CSMD1: variants seen among roughly 807,000 people sequenced by gnomAD.
CSMD1 encodes CUB and sushi domain-containing protein 1.
In CSMD1, 213 loss-of-function variants were observed where a neutral mutation model predicts 417.5. That is an observed-to-expected ratio of 0.51 (90% CI 0.46 to 0.57). CSMD1 has a LOEUF of 0.57. Among genes scored for constraint, CSMD1 ranks in the 20% least tolerant of loss-of-function variants. The pLI is 0.00. For missense variants in CSMD1, 6,923 were observed against 4,529.7 expected (o/e 1.53, Z -15.17); for synonymous variants, 2,862 against 1,736.8 (o/e 1.65, Z -16.11).
intron 3 of CSMD1, among the ~76,000 whole-genome samples, chr8:4,375,007 G>C (rs1202828283): frequency 6.7e-6 from 1 of 150,090 alleles, no homozygotes; most frequent in Admixed American, 6.6e-5. Context: ...AGCAATAGTG[G>C]GGACAGGGCA....
intron 2 of CSMD1, among the ~76,000 whole-genome samples, chr8:4,568,089 AAAAAT>A (rs1204236519): frequency 1.3e-5 from 2 of 152,348 alleles, no homozygotes; most frequent in East Asian, 3.9e-4. Flanking sequence ...ATGCAAGAAT[AAAAAT>A]AAAATACTCA....
chr8:3,675,054 T>A (rs1378658525), intron 7 of CSMD1, among the ~76,000 whole-genome samples: 4 of 152,190 alleles, frequency 2.6e-5, no homozygotes, highest in African/African-American at 9.7e-5. Flanking sequence ...AATATCCACC[T>A]TTTGGAAACC....
intron 6 of CSMD1, among the ~76,000 whole-genome samples, chr8:3,737,762 A>C (rs1162689349): frequency 6.6e-6 from 1 of 152,214 alleles, no homozygotes; most frequent in Non-Finnish European, 1.5e-5. Context: ...CATTCATTTA[A>C]GCTCCCATGA....
intron 9 of CSMD1, among the ~76,000 whole-genome samples, chr8:3,577,297 TCAC>T (rs1232346520): frequency 5.3e-5 from 8 of 152,182 alleles, no homozygotes; most frequent in South Asian, 2.1e-4. Context: ...AGCCAGCCCG[TCAC>T]CACATTTTCA....
At chr8:4,176,140 T>C (rs1291022821) in intron 3 of CSMD1, among the ~76,000 whole-genome samples, 1 of 152,010 alleles carries the variant, frequency 6.6e-6, no homozygotes, top group African/African-American at 2.4e-5. Context: ...TCCACATTTA[T>C]AGGGGTGGAA....
intron 49 of CSMD1, among the ~76,000 whole-genome samples, chr8:3,063,310 A>G (rs949309581): frequency 1.3e-5 from 2 of 152,216 alleles, no homozygotes; most frequent in Non-Finnish European, 2.9e-5. Context: ...TACCTTCTGC[A>G]AAATAAGAAT....
chr8:2,987,953 T>C (rs2721285), intron 54 of CSMD1, among the ~76,000 whole-genome samples: 1,883 of 151,588 alleles, frequency 0.012, 35 homozygotes, highest in African/African-American at 0.044. Flanking sequence ...TAGGTAAATG[T>C]GTACCATGGG....
chr8:3,658,027 C>A (rs1798218158), intron 7 of CSMD1, among the ~76,000 whole-genome samples: 2 of 152,110 alleles, frequency 1.3e-5, no homozygotes, highest in Non-Finnish European at 2.9e-5. Context: ...AACTGGATTT[C>A]TCGTCTTGAA....
intron 6 of CSMD1, among the ~76,000 whole-genome samples, chr8:3,715,704 A>C (rs894860233): frequency 1.3e-5 from 2 of 151,910 alleles, no homozygotes. Flanking sequence ...CACCAAACCC[A>C]CCTATTTTTT....
intron 1 of CSMD1, among the ~76,000 whole-genome samples, chr8:4,954,955 T>G (rs779754961): frequency 6.6e-5 from 10 of 152,194 alleles, no homozygotes; most frequent in Non-Finnish European, 1.5e-5. Flanking sequence ...TGTGACACTT[T>G]TATCTTTTAG....
chr8:3,044,437 T>A (rs1811303392), intron 50 of CSMD1, among the ~76,000 whole-genome samples: 1 of 152,180 alleles, frequency 6.6e-6, no homozygotes, highest in African/African-American at 2.4e-5. Context: ...AATAAACAAT[T>A]TAGTTTTTCA....
At chr8:3,089,219 T>G (rs141352484) in intron 48 of CSMD1, among the ~76,000 whole-genome samples, 2 of 152,324 alleles carry the variant, frequency 1.3e-5, no homozygotes, top group Non-Finnish European at 2.9e-5. Flanking sequence ...AGCTGGGATA[T>G]AGAATGAAAA....
chr8:4,012,146 A>G (rs1417169709), intron 4 of CSMD1, among the ~76,000 whole-genome samples: 1 of 152,118 alleles, frequency 6.6e-6, no homozygotes, highest in Admixed American at 6.5e-5. Context: ...TTTCATCCAC[A>G]TTTCATTGAA....
intron 26 of CSMD1, among the ~76,000 whole-genome samples, chr8:3,272,194 T>G (rs1801914782): frequency 6.8e-6 from 1 of 147,088 alleles, no homozygotes; most frequent in Admixed American, 6.9e-5. Context: ...GGGAATGCTT[T>G]CCCCATTGCT....
At chr8:4,452,679 T>TAA (rs896140641) in intron 2 of CSMD1, among the ~76,000 whole-genome samples, 4 of 152,074 alleles carry the variant, frequency 2.6e-5, no homozygotes, top group African/African-American at 9.7e-5. Flanking sequence ...TCTCCAGAAA[T>TAA]AAAGTCTAAA....
chr8:4,766,652 G>T (rs1160367577), intron 1 of CSMD1, among the ~76,000 whole-genome samples: 2 of 152,150 alleles, frequency 1.3e-5, no homozygotes, highest in South Asian at 2.1e-4. Flanking sequence ...AATAACTCAG[G>T]CACTCCCATG....
At chr8:4,989,221 C>T (rs1811340116) in intron 1 of CSMD1, among the ~76,000 whole-genome samples, 2 of 152,014 alleles carry the variant, frequency 1.3e-5, no homozygotes, top group African/African-American at 2.4e-5. Context: ...AGAGCCGAAA[C>T]ATCTATTTCT....
At chr8:4,534,142 T>G (rs886819869) in intron 2 of CSMD1, among the ~76,000 whole-genome samples, 4 of 152,174 alleles carry the variant, frequency 2.6e-5, no homozygotes, top group African/African-American at 4.8e-5. Context: ...TTGTCAGAAC[T>G]TTTGAGCTGA....
chr8:4,017,584 G>A (rs1182885716), intron 4 of CSMD1, among the ~76,000 whole-genome samples: 1 of 152,114 alleles, frequency 6.6e-6, no homozygotes, highest in African/African-American at 2.4e-5. Flanking sequence ...GGAATTACAG[G>A]CGTGAGCCAC....
Sources: allele counts gnomAD v4.1 joint callset (sites outside exome capture counted in the v4.1 genomes callset), GRCh38; gene constraint gnomAD v4.1.1; transcripts MANE v1.5; gene names NCBI Gene and HGNC (gene_info 2026-07-23, HGNC 2026-07-21).